SLC35F3: variants seen among roughly 807,000 people sequenced by gnomAD.
SLC35F3 encodes putative thiamine transporter SLC35F3.
A neutral mutation model predicts 49.9 loss-of-function variants in SLC35F3; 25 were observed. The ratio of observed to expected loss-of-function variants is 0.50; its 90% confidence interval spans 0.37 to 0.70. The LOEUF is 0.70. Among genes scored for constraint, SLC35F3 ranks in the 30% least tolerant of loss-of-function variants. SLC35F3 has a pLI of 0.00. For missense variants in SLC35F3, 525 were observed against 639.8 expected, an observed-to-expected ratio of 0.82 and a Z score of 1.94; for synonymous variants, 275 against 265.4, an observed-to-expected ratio of 1.04 and a Z score of -0.35.
At chr1:234,040,767 A>G (rs1448819400) in intron 2 of SLC35F3, among the ~76,000 whole-genome samples, 3 of 152,356 alleles carry the variant, frequency 2.0e-5, no homozygotes, top group Non-Finnish European at 2.9e-5. Flanking sequence ...GTTAACAACT[A>G]AGAAGACCTA....
intron 2 of SLC35F3, among the ~76,000 whole-genome samples, chr1:234,152,940 T>A (rs1666097610): frequency 1.3e-5 from 2 of 152,214 alleles, no homozygotes; most frequent in South Asian, 4.1e-4. Context: ...TGAGATGGTG[T>A]CTCATTGTGG....
At chr1:234,120,495 ACT>A (rs1665553867) in intron 2 of SLC35F3, among the ~76,000 whole-genome samples, 1 of 152,124 alleles carries the variant, frequency 6.6e-6, no homozygotes, top group Non-Finnish European at 1.5e-5. Context: ...TGCACATTGC[ACT>A]CTTTCCCCTT....
At chr1:234,095,164 A>G (rs1665098611) in intron 2 of SLC35F3, among the ~76,000 whole-genome samples, 1 of 152,214 alleles carries the variant, frequency 6.6e-6, no homozygotes, top group Non-Finnish European at 1.5e-5. Context: ...CCAGAGAAGA[A>G]GAGAGAAAAT....
intron 3 of SLC35F3, among the ~76,000 whole-genome samples, chr1:234,296,792 G>GT (rs1668600000): frequency 6.6e-6 from 1 of 152,236 alleles, no homozygotes. Flanking sequence ...CTCCTAGTTA[G>GT]TGAGACATAT....
chr1:233,956,484 C>T (rs561091992), intron 2 of SLC35F3, among the ~76,000 whole-genome samples: 7 of 152,290 alleles, frequency 4.6e-5, no homozygotes, highest in African/African-American at 1.7e-4. Context: ...GGGGGAAAGG[C>T]AATGTTTATG....
At chr1:234,103,355 G>T (rs1665240103) in intron 2 of SLC35F3, among the ~76,000 whole-genome samples, 1 of 151,890 alleles carries the variant, frequency 6.6e-6, no homozygotes, top group Non-Finnish European at 1.5e-5. Flanking sequence ...ACTACATCTG[G>T]CCTTCAAGGC....
At chr1:234,223,287 G>A (rs751349797) in intron 2 of SLC35F3, among the ~76,000 whole-genome samples, 1 of 152,098 alleles carries the variant, frequency 6.6e-6, no homozygotes, top group Non-Finnish European at 1.5e-5. Flanking sequence ...GGTGATGATG[G>A]GTGGGAAAAG....
intron 2 of SLC35F3, among the ~76,000 whole-genome samples, chr1:234,023,143 A>G (rs1439430119): frequency 6.6e-6 from 1 of 152,218 alleles, no homozygotes; most frequent in Non-Finnish European, 1.5e-5. Context: ...CAAGACTCGC[A>G]GCCCATGGAG....
At chr1:233,978,867 C>A (rs1663134139) in intron 2 of SLC35F3, among the ~76,000 whole-genome samples, 1 of 152,042 alleles carries the variant, frequency 6.6e-6, no homozygotes, top group Non-Finnish European at 1.5e-5. Context: ...CCCATCTCTA[C>A]TAAAGATACA....
At chr1:233,997,041 A>T (rs562769152) in intron 2 of SLC35F3, among the ~76,000 whole-genome samples, 9 of 152,192 alleles carry the variant, frequency 5.9e-5, no homozygotes, top group Non-Finnish European at 1.2e-4. Context: ...TTCATATAGC[A>T]TAATGTCCTT....
chr1:234,022,840 A>G lies in SLC35F3; in HGVS notation c.283+117082A>G, dbSNP rs1458476958. Among the ~76,000 whole-genome samples the G allele has an allele frequency of 2.0e-5, 3 of 152,182 alleles. No individual in the cohort carries two copies. In the South Asian group the frequency reaches 6.2e-4, roughly 32 times the overall value. On this transcript the variant is annotated intron_variant, in intron 2 of 7. Coordinates refer to ENST00000366618, the MANE Select transcript of SLC35F3 (RefSeq NM_173508.4). ...ATATTAATACTAATACTAATAAGAT[A>G]TATTTAGTGAGTTTTCCATGCTATG...
intron 2 of SLC35F3, among the ~76,000 whole-genome samples, chr1:234,092,082 C>A (rs1029893862): frequency 4.6e-5 from 7 of 152,190 alleles, no homozygotes; most frequent in Non-Finnish European, 1.5e-5. Flanking sequence ...AGCTGGAAGG[C>A]AGCCAACCCT....
intron 2 of SLC35F3, among the ~76,000 whole-genome samples, chr1:234,198,987 G>A (rs184919564): frequency 6.6e-6 from 1 of 151,478 alleles, no homozygotes; most frequent in Admixed American, 6.6e-5. Context: ...GGGAGACCAA[G>A]GCAGAAGGAT....
rs534778058 is a variant in SLC35F3, at chr1:233,925,204, CGTT to C, written c.283+19448_283+19450del. 6.8e-3 allele frequency among the ~76,000 whole-genome samples: 1,033 copies of C among 152,174 alleles called. 12 individuals carry two copies. Among genetic ancestry groups the C allele is most frequent in the Middle Eastern group, 0.031 (9 of 294 alleles). ...GGATATCCTTGTTAACTTTCTGTCT[CGTT>C]GATCTGTCTAATATTGACAGTGGGG... On this transcript the variant is annotated intron_variant, in intron 2 of 7. Transcript: ENST00000366618.
chr1:234,126,492 T>TGTGTGC (rs71170465), intron 2 of SLC35F3, among the ~76,000 whole-genome samples: 3 of 151,978 alleles, frequency 2.0e-5, no homozygotes, highest in East Asian at 3.9e-4. Context: ...TGTGTGTGTG[T>TGTGTGC]ATTTAGTTCT....
intron 2 of SLC35F3, among the ~76,000 whole-genome samples, chr1:233,994,910 G>A (rs1484731637): frequency 1.3e-5 from 2 of 151,852 alleles, no homozygotes; most frequent in Non-Finnish European, 2.9e-5. Context: ...CTGATGGGAA[G>A]AACACAGATT....
At chr1:234,252,124 C>T (rs559616447) in intron 3 of SLC35F3, among the ~76,000 whole-genome samples, 2 of 152,004 alleles carry the variant, frequency 1.3e-5, no homozygotes, top group African/African-American at 2.4e-5. Context: ...AGCTGGAGTG[C>T]GATGGCATGA....
At chr1:234,098,747 G>GTCA in intron 2 of SLC35F3, among the ~76,000 whole-genome samples, 3 of 148,936 alleles carry the variant, frequency 2.0e-5, no homozygotes, top group Admixed American at 6.7e-5. Context: ...GTGTTATAGG[G>GTCA]TGATGGTGGT....
chr1:233,963,938 G>GC (rs1220625912), intron 2 of SLC35F3, among the ~76,000 whole-genome samples: 1 of 152,164 alleles, frequency 6.6e-6, no homozygotes, highest in Non-Finnish European at 1.5e-5. Context: ...CACCTGGGGG[G>GC]CCCATACCCC....
Sources: allele counts gnomAD v4.1 joint callset (sites outside exome capture counted in the v4.1 genomes callset), GRCh38; gene constraint gnomAD v4.1.1; transcripts MANE v1.5; gene names NCBI Gene and HGNC (gene_info 2026-07-23, HGNC 2026-07-21).